The following OTOGL variants were observed in gnomAD, a reference collection of about 807,000 sequenced individuals.
OTOGL encodes the protein otogelin like.
Under a neutral mutation model 318.5 loss-of-function variants are expected in OTOGL, and 285 were observed. That is an observed-to-expected ratio of 0.89 (90% confidence interval 0.81 to 0.99). The LOEUF (loss-of-function observed/expected upper bound fraction) is 0.99, where lower values mean the gene tolerates loss of function less well. Among genes scored for constraint, OTOGL ranks in the 50% least tolerant of loss-of-function variants. The pLI is 0.00. For synonymous variants in OTOGL, 987 were observed against 936.5 expected (o/e 1.05, Z -0.99); for missense variants, 2,899 against 2,845.6 (o/e 1.02, Z -0.43).
At chr12:80,257,562 A>G (rs1440410754) in intron 17 of OTOGL, among the ~76,000 whole-genome samples, 1 of 152,078 alleles carries the variant, frequency 6.6e-6, no homozygotes, top group Admixed American at 6.6e-5. Flanking sequence ...AGATGCTTGC[A>G]AACTGAAAGT....
At chr12:80,217,470 C>T in intron 4 of OTOGL, 128 bp from the exon 5 acceptor site, 1 of 694,546 alleles carries the variant, frequency 1.4e-6, no homozygotes, top group Non-Finnish European at 2.4e-6. Context: ...CTCAATAACC[C>T]CAGAAAATAT....
intron 1 of OTOGL, among the ~76,000 whole-genome samples, chr12:80,174,994 T>C (rs1049985096): frequency 1.3e-5 from 2 of 151,450 alleles, no homozygotes; most frequent in Non-Finnish European, 2.9e-5. Flanking sequence ...AAAAACTTAA[T>C]GAGTGTTTGC....
chr12:80,333,145 C>T (rs1888185077), intron 38 of OTOGL, 67 bp downstream of exon 38: 1 of 1,413,116 alleles, frequency 7.1e-7, no homozygotes, highest in African/African-American at 1.4e-5. Flanking sequence ...ATTTCTGTGT[C>T]AATATCCAAA....
At chr12:80,112,364 G>C (rs1037007865) in intron 1 of OTOGL, among the ~76,000 whole-genome samples, 2 of 152,150 alleles carry the variant, frequency 1.3e-5, no homozygotes, top group Admixed American at 6.5e-5. Context: ...CATTCGGTAT[G>C]GTATTGGCTG....
chr12:80,121,644 A>T (rs960865013), intron 1 of OTOGL, among the ~76,000 whole-genome samples: 5 of 152,214 alleles, frequency 3.3e-5, no homozygotes, highest in African/African-American at 9.6e-5. Context: ...TTGGCCAAGT[A>T]AATAGAAAAA....
chr12:80,143,749 G>A (rs969100862), intron 1 of OTOGL, among the ~76,000 whole-genome samples: 2 of 152,266 alleles, frequency 1.3e-5, no homozygotes, highest in Middle Eastern at 3.4e-3. Context: ...TGGCATAAAG[G>A]AGGCCATCAG....
intron 1 of OTOGL, among the ~76,000 whole-genome samples, chr12:80,144,055 T>C (rs187842458): frequency 6.6e-6 from 1 of 152,128 alleles, no homozygotes; most frequent in East Asian, 1.9e-4. Flanking sequence ...TTCTTTTTTT[T>C]TTTTTCTTTT....
At chr12:80,303,371 G>C (rs898677927) in intron 28 of OTOGL, among the ~76,000 whole-genome samples, 3 of 152,132 alleles carry the variant, frequency 2.0e-5, no homozygotes, top group Non-Finnish European at 2.9e-5. Flanking sequence ...TAGCCAGGGT[G>C]GTCTTGATCT....
At chr12:80,219,251 A>G (rs1199763587) in intron 5 of OTOGL, among the ~76,000 whole-genome samples, 2 of 152,158 alleles carry the variant, frequency 1.3e-5, no homozygotes, top group South Asian at 2.1e-4. Flanking sequence ...AGCTGGGACT[A>G]CAGGCATGCA....
Position 80,305,624 on chromosome 12 carries a change from G to T in OTOGL, c.3262G>T (p.Asp1088Tyr). 6.3e-7 allele frequency: 1 copy of T among 1,582,632 alleles called. No individual in the cohort carries two copies. The highest frequency in any genetic ancestry group is 1.1e-5 in the South Asian group (1 of 87,090). The change falls in exon 29 of 59, where the codon GAT (aspartate) becomes TAT (tyrosine). Residue 1088 changes from aspartate to tyrosine, a missense_variant. Asp to Tyr is a radical substitution (Grantham distance 160, BLOSUM62 -3). Coordinates refer to ENST00000547103, the MANE Select transcript of OTOGL (RefSeq NM_001378609.3). ...AAACTTTGACAAATGCACTTCAAAT[G>T]ATATGACCACATCTAATAACTTGGA... Reference protein sequence around the residue: ...CGNFDKCTSNDMTTSNNLEVR... With the variant: ...CGNFDKCTSNYMTTSNNLEVR...
Position 80,266,513 on chromosome 12 carries a change from A to G in OTOGL, c.2287A>G (p.Ile763Val). The G allele has an allele frequency of 6.2e-7, 1 of 1,613,524 alleles. No individual in the cohort carries two copies. Among genetic ancestry groups the G allele is most frequent in the Non-Finnish European group, 8.5e-7 (1 of 1,179,732 alleles). Residue 763 changes from isoleucine to valine, a missense_variant, in exon 21 of 59, where the codon ATT becomes GTT. Ile to Val is a conservative substitution (Grantham distance 29). Coordinates refer to ENST00000547103, the MANE Select transcript of OTOGL (RefSeq NM_001378609.3). ...HCSSFCLHSC[I>V]SLSSPEQCSD... ...TTCCTCGTTCTGCCTCCATTCCTGC[A>G]TTTCTCTCTCTTCCCCGGAGCAGTG...
chr12:80,153,955 A>G (rs1284297743), intron 1 of OTOGL, among the ~76,000 whole-genome samples: 2 of 152,204 alleles, frequency 1.3e-5, no homozygotes, highest in African/African-American at 4.8e-5. Context: ...CTGTAAGTGG[A>G]CAAAGTCAGT....
intron 7 of OTOGL, among the ~76,000 whole-genome samples, chr12:80,222,579 A>G (rs1221467847): frequency 7.2e-5 from 11 of 152,178 alleles, no homozygotes; most frequent in African/African-American, 1.4e-4. Flanking sequence ...TTGATACTAT[A>G]TGACTGAACT....
In OTOGL at chr12:80,360,558, C is replaced by T. The variant is rs1016807207; in HGVS notation, c.6267+1658C>T. Among the ~76,000 whole-genome samples, 8 of 151,452 alleles carry T rather than the reference C, an allele frequency of 5.3e-5. No homozygotes were observed. The East Asian group carries it at 5.8e-4, about 11-fold the overall frequency. On this transcript the variant is annotated intron_variant, in intron 52 of 58. Transcript: ENST00000547103. ...GTGCAGTGGTGTGATCTCTGCTCAC[C>T]GCAACCTCTGCCTCCCGGCTTCAAG...
chr12:80,293,065 A>G (rs1053071625), intron 26 of OTOGL, among the ~76,000 whole-genome samples: 8 of 152,230 alleles, frequency 5.3e-5, no homozygotes, highest in African/African-American at 1.9e-4. Context: ...TCATTTAATC[A>G]AAGTGATAAT....
intron 1 of OTOGL, among the ~76,000 whole-genome samples, chr12:80,149,954 G>A (rs1007917127): frequency 3.9e-5 from 6 of 152,126 alleles, no homozygotes; most frequent in African/African-American, 1.4e-4. Context: ...CCCACTGTCT[G>A]GCACTCCCTA....
At chr12:80,258,084 C>A in intron 18 of OTOGL, 82 bp downstream of exon 18, 8 of 1,207,434 alleles carry the variant, frequency 6.6e-6, no homozygotes, top group African/African-American at 1.5e-5. Context: ...GTTTACTTAA[C>A]TAATAATTGC....
chr12:80,278,024 A>T (rs1337589575), intron 24 of OTOGL, 144 bp from the exon 25 acceptor site: 3 of 592,884 alleles, frequency 5.1e-6, no homozygotes, highest in Non-Finnish European at 8.7e-6. Context: ...GAAAGACTGG[A>T]TTCATCTCCT....
intron 1 of OTOGL, chr12:80,102,796 A>G: frequency 1.6e-6 from 1 of 621,460 alleles, no homozygotes; most frequent in South Asian, 2.0e-5. Flanking sequence ...AGTTTCCCAG[A>G]GTTGTCTCTT....
Sources: gnomAD v4.1 joint callset for allele counts (sites outside exome capture counted in the v4.1 genomes callset) on GRCh38, gnomAD v4.1.1 for gene constraint, MANE v1.5 for transcripts, NCBI Gene and HGNC (gene_info 2026-07-23, HGNC 2026-07-21) for gene names.